FAM83B: variants seen among roughly 807,000 people sequenced by gnomAD.
FAM83B encodes the protein protein FAM83B.
Under a neutral mutation model 38.8 loss-of-function variants are expected in FAM83B, and 26 were observed. That is an observed-to-expected ratio of 0.67 (90% confidence interval 0.49 to 0.93). FAM83B has a LOEUF of 0.93. Ranked by LOEUF, FAM83B falls within the 40% of genes least tolerant of loss-of-function variation. FAM83B has a pLI of 0.00. For missense variants in FAM83B, 1,237 were observed against 1,197.3 expected, an observed-to-expected ratio of 1.03 and a Z score of -0.49; for synonymous variants, 419 against 423.1, an observed-to-expected ratio of 0.99 and a Z score of 0.12.
chr6:54,890,142 ATG>A, intron 2 of FAM83B, among the ~76,000 whole-genome samples: 1 of 152,224 alleles, frequency 6.6e-6, no homozygotes, highest in Non-Finnish European at 1.5e-5. Context: ...GGTTTGGAAA[ATG>A]TAATGTCAAA....
At chr6:54,858,643 T>C (rs1771501539) in intron 1 of FAM83B, among the ~76,000 whole-genome samples, 1 of 152,236 alleles carries the variant, frequency 6.6e-6, no homozygotes, top group African/African-American at 2.4e-5. Context: ...AAATGAGTCA[T>C]GCTTTATAGC....
chr6:54,895,740 G>GTTTGT (rs1411630282), intron 2 of FAM83B, among the ~76,000 whole-genome samples: 7 of 151,928 alleles, frequency 4.6e-5, no homozygotes, highest in African/African-American at 1.7e-4. Flanking sequence ...CATGGCATAG[G>GTTTGT]TTTGTTTTGT....
chr6:54,921,686 G>T (rs931844259), intron 2 of FAM83B, among the ~76,000 whole-genome samples: 1 of 151,926 alleles, frequency 6.6e-6, no homozygotes, highest in Non-Finnish European at 1.5e-5. Flanking sequence ...CTGGTTTCTT[G>T]ATTAATATAA....
chr6:54,852,251 T>C (rs796219190), intron 1 of FAM83B, among the ~76,000 whole-genome samples: 12 of 152,376 alleles, frequency 7.9e-5, no homozygotes, highest in African/African-American at 2.9e-4. Flanking sequence ...CTGGCAACAC[T>C]GCCTTAAGCA....
At chr6:54,924,809 A>G (rs748017995) in intron 2 of FAM83B, among the ~76,000 whole-genome samples, 1 of 152,040 alleles carries the variant, frequency 6.6e-6, no homozygotes, top group Non-Finnish European at 1.5e-5. Context: ...TCTTGGTCCT[A>G]CACACCGTCA....
chr6:54,903,578 A>G (rs1772710508), intron 2 of FAM83B, among the ~76,000 whole-genome samples: 1 of 152,160 alleles, frequency 6.6e-6, no homozygotes, highest in African/African-American at 2.4e-5. Context: ...TTTCTTGGCC[A>G]CTTATATCGG....
chr6:54,849,442 G>C (rs983048513), intron 1 of FAM83B, among the ~76,000 whole-genome samples: 2 of 151,852 alleles, frequency 1.3e-5, no homozygotes, highest in African/African-American at 4.8e-5. Context: ...GAGGTGGAGT[G>C]GGGGGCAAGT....
At chr6:54,892,159 A>C (rs239780) in intron 2 of FAM83B, among the ~76,000 whole-genome samples, 29,229 of 152,196 alleles carry the variant, frequency 0.19, 3,102 homozygotes, top group African/African-American at 0.28. Context: ...TTTTCTAAAT[A>C]TAAATCTCTG....
At chr6:54,911,000 T>C (rs1772895763) in intron 2 of FAM83B, among the ~76,000 whole-genome samples, 1 of 152,080 alleles carries the variant, frequency 6.6e-6, no homozygotes, top group South Asian at 2.1e-4. Context: ...AATATACATA[T>C]ACCAAGATGA....
chr6:54,882,102 T>C (rs1772145351), intron 2 of FAM83B, among the ~76,000 whole-genome samples: 1 of 152,240 alleles, frequency 6.6e-6, no homozygotes, highest in Admixed American at 6.5e-5. Flanking sequence ...CTCATCCTTT[T>C]TTATGGCTGC....
intron 2 of FAM83B, among the ~76,000 whole-genome samples, chr6:54,884,629 G>C (rs184030271): frequency 1.3e-5 from 2 of 152,192 alleles, no homozygotes; most frequent in East Asian, 3.9e-4. Flanking sequence ...AGTTACTGCT[G>C]TGTCATAACT....
chr6:54,851,890 T>G (rs1046356793), intron 1 of FAM83B, among the ~76,000 whole-genome samples: 3 of 151,926 alleles, frequency 2.0e-5, no homozygotes, highest in East Asian at 1.9e-4. Flanking sequence ...CTCGTGATCC[T>G]CCCGCCTCGG....
intron 1 of FAM83B, among the ~76,000 whole-genome samples, chr6:54,859,116 A>G (rs1021200000): frequency 6.6e-6 from 1 of 151,084 alleles, no homozygotes; most frequent in African/African-American, 2.4e-5. Context: ...GCTGGAGTGC[A>G]ATAGCGTGAT....
intron 1 of FAM83B, among the ~76,000 whole-genome samples, chr6:54,860,478 A>G (rs187407612): frequency 6.6e-6 from 1 of 152,196 alleles, no homozygotes; most frequent in African/African-American, 2.4e-5. Flanking sequence ...AGAATATCCT[A>G]AAAAAATCTT....
At chr6:54,849,892 G>A (rs1288313310) in intron 1 of FAM83B, among the ~76,000 whole-genome samples, 1 of 151,620 alleles carries the variant, frequency 6.6e-6, no homozygotes, top group Non-Finnish European at 1.5e-5. Context: ...TAGTCTCCCG[G>A]TTACTGGCAG....
chr6:54,907,245 G>T (rs1254360381), intron 2 of FAM83B, among the ~76,000 whole-genome samples: 1 of 151,982 alleles, frequency 6.6e-6, no homozygotes, highest in East Asian at 1.9e-4. Flanking sequence ...TTTAATTAAA[G>T]ATTATTCTTA....
In FAM83B at chr6:54,941,323, T is replaced by C. The variant is rs369730996; in HGVS notation, c.2352T>C (p.Asp784=). Residue 784 remains aspartate, a synonymous_variant, in exon 5 of 5, where the codon GAT becomes GAC. Coordinates refer to ENST00000306858, the MANE Select transcript of FAM83B (RefSeq NM_001010872.3). Reference sequence around the variant, plus strand: ...GGTCATTACTTAGCCTTACCCCAGATAAGAAAGAAAATCTATCCAAAAATA... The same window carrying C: ...GGTCATTACTTAGCCTTACCCCAGACAAGAAAGAAAATCTATCCAAAAATA... ...KLRSLLSLTP[D]KKENLSKNKA... 121 of 1,612,304 alleles carry C rather than the reference T, an allele frequency of 7.5e-5. No homozygotes were observed. The highest frequency in any genetic ancestry group is 9.0e-5 in the Non-Finnish European group (106 of 1,179,650).
chr6:54,937,321 G>C (rs1222490623), intron 4 of FAM83B, among the ~76,000 whole-genome samples: 1 of 151,818 alleles, frequency 6.6e-6, no homozygotes, highest in Non-Finnish European at 1.5e-5. Flanking sequence ...TCTAGGAAAG[G>C]AATTGGAGCT....
chr6:54,912,452 C>T (rs554030028), intron 2 of FAM83B, among the ~76,000 whole-genome samples: 2 of 149,416 alleles, frequency 1.3e-5, no homozygotes, highest in African/African-American at 2.4e-5. Flanking sequence ...AAGATTCTGA[C>T]GGTGAGATTT....
Sources: allele counts gnomAD v4.1 joint callset (sites outside exome capture counted in the v4.1 genomes callset), GRCh38; gene constraint gnomAD v4.1.1; transcripts MANE v1.5; gene names NCBI Gene and HGNC (gene_info 2026-07-23, HGNC 2026-07-21).